CENPH: variants seen among roughly 807,000 people sequenced by gnomAD.
The protein encoded by CENPH is CENP-H.
Under a neutral mutation model 42.9 loss-of-function variants are expected in CENPH, and 40 were observed. The ratio of observed to expected loss-of-function variants is 0.93; its 90% confidence interval spans 0.72 to 1.21. CENPH has a LOEUF of 1.21. CENPH is among the 50% of genes most tolerant of loss of function. The pLI is 0.00. For synonymous variants in CENPH, 88 were observed against 96.5 expected, an observed-to-expected ratio of 0.91 and a Z score of 0.52; for missense variants, 302 against 292.9, an observed-to-expected ratio of 1.03 and a Z score of -0.23.
intron 7 of CENPH, among the ~76,000 whole-genome samples, chr5:69,205,702 CTTT>C (rs1158243799): frequency 6.5e-5 from 5 of 77,086 alleles, no homozygotes; most frequent in Non-Finnish European, 9.0e-5. Flanking sequence ...CTGTAGATAT[CTTT>C]TTTTTTTTTT....
At position 69,209,700 on chromosome 5, in the gene CENPH, T is replaced by G; in HGVS notation, c.652-7T>G. ...TGTAACTTTAAAACAATTTTTTTTC[T>G]TTACAGAACCTTATTTTGGGGAGTA... On this transcript the variant is annotated splice_polypyrimidine_tract_variant and splice_region_variant and intron_variant, in intron 8 of 8. Coordinates refer to ENST00000283006, the MANE Select transcript of CENPH (RefSeq NM_022909.4). The G allele has an allele frequency of 2.0e-6, 3 of 1,505,360 alleles. No individual in the cohort carries two copies. Among genetic ancestry groups the G allele is most frequent in the Non-Finnish European group, 2.7e-6 (3 of 1,101,556 alleles). The allele number at this position is 1,505,360 out of a possible 1,614,324, so 93.3% of individuals were successfully genotyped here.
chr5:69,197,147 G>C, intron 5 of CENPH, 38 bp downstream of exon 5: 1 of 1,274,772 alleles, frequency 7.8e-7, no homozygotes, highest in Admixed American at 2.5e-5. Context: ...GTAAGGATGG[G>C]ATCTGCATAG....
chr5:69,196,666 T>A (rs1301372280), intron 4 of CENPH, among the ~76,000 whole-genome samples: 2 of 152,100 alleles, frequency 1.3e-5, no homozygotes, highest in Non-Finnish European at 2.9e-5. Context: ...AAAAAAAGTT[T>A]TAAAGTTTAT....
At chr5:69,200,282 A>G (rs1748037252) in intron 5 of CENPH, among the ~76,000 whole-genome samples, 1 of 152,198 alleles carries the variant, frequency 6.6e-6, no homozygotes, top group Non-Finnish European at 1.5e-5. Context: ...TTCCTATGTA[A>G]GCCTGATGTA....
At chr5:69,203,993 TAGAGAGAGAATTTCTATATATATATAAA>T (rs1748100388) in intron 7 of CENPH, among the ~76,000 whole-genome samples, 3 of 121,578 alleles carry the variant, frequency 2.5e-5, no homozygotes, top group Admixed American at 9.6e-5. Flanking sequence ...TATATATATA[TAGAGAGAGAATTTCTATATATATATAAA>T]TTATATATAT....
At chr5:69,190,903 A>C (rs944864290) in intron 1 of CENPH, among the ~76,000 whole-genome samples, 10 of 152,120 alleles carry the variant, frequency 6.6e-5, no homozygotes, top group Admixed American at 4.6e-4. Flanking sequence ...AAAAAAAAAA[A>C]TTAATTACCA....
chr5:69,191,686 A>T, intron 1 of CENPH, 109 bp from the exon 2 acceptor site: 1 of 677,698 alleles, frequency 1.5e-6, no homozygotes, highest in Admixed American at 2.8e-5. Flanking sequence ...ATTTATATTT[A>T]TTTTGTTGTA....
chr5:69,189,799 C>G, intron 1 of CENPH, 31 bp downstream of exon 1: 1 of 1,419,020 alleles, frequency 7.0e-7, no homozygotes, highest in Non-Finnish European at 9.2e-7. Context: ...CAGCCGGGGC[C>G]AAGTGGGCGT....
At chr5:69,206,008 C>CT (rs996878249) in intron 7 of CENPH, among the ~76,000 whole-genome samples, 2 of 151,750 alleles carry the variant, frequency 1.3e-5, no homozygotes, top group African/African-American at 4.8e-5. Flanking sequence ...CATGCCCGGC[C>CT]TTTTTTTCTG....
chr5:69,197,097 GCAGA>G lies in CENPH; in HGVS notation c.363_366del (p.Arg121SerfsTer9). 1 of 1,579,476 alleles carries G rather than the reference GCAGA, an allele frequency of 6.3e-7. No homozygotes were observed. The highest frequency in any genetic ancestry group is 2.0e-5 in the Admixed American group (1 of 51,056). On this transcript the variant is annotated frameshift_variant, in exon 5 of 9. Coordinates refer to ENST00000283006, the MANE Select transcript of CENPH (RefSeq NM_022909.4). LOFTEE classifies it high-confidence loss of function. ...CTTAAAAAAAACCTGGAGAAAATTAGCAGACAGTCTAGGTATGATTTTTTTTTTC... is the reference window on the plus strand; with the variant it reads ...CTTAAAAAAAACCTGGAGAAAATTAGCAGTCTAGGTATGATTTTTTTTTTC...
At chr5:69,196,421 G>T (rs1170469459) in intron 4 of CENPH, among the ~76,000 whole-genome samples, 1 of 152,146 alleles carries the variant, frequency 6.6e-6, no homozygotes, top group Non-Finnish European at 1.5e-5. Context: ...AAGGTGGGTG[G>T]ATCACCTGAG....
chr5:69,204,051 T>TTATATATATATATATATA (rs1168613545), intron 7 of CENPH, among the ~76,000 whole-genome samples: 1 of 61,944 alleles, frequency 1.6e-5, no homozygotes, highest in South Asian at 6.5e-4. Context: ...TATTTATATA[T>TTATATATATATATATATA]TATATATATA....
At position 69,202,580 on chromosome 5, in the gene CENPH, A is replaced by G. The variant is rs1561323815; in HGVS notation, c.435+11A>G. Reference sequence around the variant, plus strand: ...ATGAAATCACAGCAGGTAAACTTACACATTAGGCTGATTATGCATTCTCAT... The same window carrying G: ...ATGAAATCACAGCAGGTAAACTTACGCATTAGGCTGATTATGCATTCTCAT... On this transcript the variant is annotated intron_variant, in intron 6 of 8. Coordinates refer to ENST00000283006, the MANE Select transcript of CENPH (RefSeq NM_022909.4). 4.1e-6 allele frequency: 6 copies of G among 1,458,006 alleles called. No homozygotes were observed. The highest frequency in any genetic ancestry group is 5.7e-6 in the Non-Finnish European group (6 of 1,045,808). 90.3% of individuals were successfully genotyped at this position (1,458,006 alleles called of 1,614,324 possible). A position where few individuals can be genotyped will look rare whatever the true frequency, so the allele number is the denominator to read the frequency against.
chr5:69,202,476 TAATA>T (rs745702170), intron 5 of CENPH, 26 bp from the exon 6 acceptor site: 10 of 1,299,624 alleles, frequency 7.7e-6, no homozygotes, highest in Non-Finnish European at 9.9e-6. Context: ...CAAATAACCT[TAATA>T]AATCATCTTT....
intron 8 of CENPH, among the ~76,000 whole-genome samples, chr5:69,209,044 C>T (rs1384265101): frequency 6.6e-6 from 1 of 152,128 alleles, no homozygotes; most frequent in African/African-American, 2.4e-5. Context: ...ATCCACCTGC[C>T]TCAGCCTCCC....
chr5:69,200,988 C>T (rs765194502), intron 5 of CENPH, among the ~76,000 whole-genome samples: 1 of 150,510 alleles, frequency 6.6e-6, no homozygotes, highest in Admixed American at 6.7e-5. Context: ...TCCACTGTAC[C>T]TGACCTTTTT....
Position 69,205,702 on chromosome 5 carries a change from CTTTTTTTTTTT to C in CENPH, c.488-2480_488-2470del, listed in dbSNP as rs1158243799. ...CTAATTGTTTTTTTTCTGTAGATAT[CTTTTTTTTTTT>C]TTTTTTTTTTTTTGAGACGGAGTCT... On this transcript the variant is annotated intron_variant, in intron 7 of 8. Coordinates refer to ENST00000283006, the MANE Select transcript of CENPH (RefSeq NM_022909.4). Among the ~76,000 whole-genome samples, 3 of 77,092 alleles carry C rather than the reference CTTTTTTTTTTT, an allele frequency of 3.9e-5. No homozygotes were observed. In the East Asian group the frequency reaches 1.4e-3, roughly 36 times the overall value. 50.6% of individuals were successfully genotyped at this position (77,092 alleles called of 152,430 possible). A position where few individuals can be genotyped will look rare whatever the true frequency, so the allele number is the denominator to read the frequency against.
In CENPH at chr5:69,210,038, G is replaced by T. The variant is rs570410749; in HGVS notation, c.*239G>T. The T allele has an allele frequency of 9.7e-5, 27 of 279,344 alleles. No individual in the cohort carries two copies. Among genetic ancestry groups the T allele is most frequent in the African/African-American group, 5.6e-4 (25 of 44,642 alleles). 17.3% of individuals were successfully genotyped at this position (279,344 alleles called of 1,614,324 possible). On this transcript the variant is annotated 3_prime_UTR_variant, in exon 9 of 9. Transcript: ENST00000283006. The stretch of plus-strand genomic sequence containing the variant: ...GTTTTTTGAGATGGAGTCTCGCTTT[G>T]TTGCCCAGACTGGAGGGCAGTGGCG...
Position 69,189,652 on chromosome 5 carries a change from G to A in CENPH, c.18G>A (p.Gln6=), listed in dbSNP as rs745848073. Residue 6 remains glutamine (Q), a synonymous_variant, in exon 1 of 9, where the codon CAG becomes CAA. Coordinates refer to ENST00000283006, the MANE Select transcript of CENPH (RefSeq NM_022909.4). ...AACCAGCAATGGAGGAGCAGCCCCAGATGCAAGACGCCGACGAGCCCGCGG... is the reference window on the plus strand; with the variant it reads ...AACCAGCAATGGAGGAGCAGCCCCAAATGCAAGACGCCGACGAGCCCGCGG... MEEQP[Q]MQDADEPADS... The A allele has an allele frequency of 6.2e-7, 1 of 1,601,954 alleles. No homozygotes were observed. The highest frequency in any genetic ancestry group is 1.1e-5 in the South Asian group (1 of 89,580).
Sources: allele counts gnomAD v4.1 joint callset (sites outside exome capture counted in the v4.1 genomes callset), GRCh38; gene constraint gnomAD v4.1.1; transcripts MANE v1.5; gene names NCBI Gene and HGNC (gene_info 2026-07-23, HGNC 2026-07-21).